Variants in MALRD1 observed in about 807,000 individuals in gnomAD.
MALRD1 encodes MAM and LDL-receptor class A domain-containing protein 1.
MALRD1 carries 247 observed loss-of-function variants against 242.1 expected under a neutral mutation model. That is an observed-to-expected ratio of 1.02 (90% CI 0.92 to 1.13). MALRD1 has a LOEUF of 1.13. Among genes scored for constraint, MALRD1 ranks in the 50% most tolerant of loss-of-function variants. The pLI is 0.00. For missense variants in MALRD1, 2,989 were observed against 2,533.1 expected (o/e 1.18, Z -3.86); for synonymous variants, 995 against 866.6 (o/e 1.15, Z -2.60).
intron 14 of MALRD1, among the ~76,000 whole-genome samples, chr10:19,183,120 T>G (rs890638723): frequency 7.4e-4 from 55 of 74,558 alleles, no homozygotes; most frequent in East Asian, 3.4e-3. Flanking sequence ...TGAGGGTTTT[T>G]TTTTTTTTTT....
chr10:19,494,829 A>T (rs1423763755), intron 30 of MALRD1, among the ~76,000 whole-genome samples: 2 of 152,220 alleles, frequency 1.3e-5, no homozygotes, highest in East Asian at 3.9e-4. Context: ...ACAGGGAGAA[A>T]GCAAGCAACT....
At chr10:19,589,819 G>A (rs192048251) in intron 33 of MALRD1, among the ~76,000 whole-genome samples, 13 of 152,056 alleles carry the variant, frequency 8.5e-5, no homozygotes, top group Non-Finnish European at 1.2e-4. Flanking sequence ...GGGTATATGC[G>A]AATGACACTA....
intron 2 of MALRD1, among the ~76,000 whole-genome samples, chr10:19,071,565 A>C (rs1293386019): frequency 6.6e-6 from 1 of 152,048 alleles, no homozygotes; most frequent in Non-Finnish European, 1.5e-5. Context: ...CTCTTGTGGT[A>C]CCAGCTTATA....
chr10:19,440,961 C>T (rs1396158686), intron 28 of MALRD1, among the ~76,000 whole-genome samples: 1 of 151,920 alleles, frequency 6.6e-6, no homozygotes, highest in Non-Finnish European at 1.5e-5. Flanking sequence ...GTCCCACCAA[C>T]AGTGTAAAAG....
At chr10:19,298,237 C>A (rs139594905) in intron 21 of MALRD1, among the ~76,000 whole-genome samples, 1 of 151,780 alleles carries the variant, frequency 6.6e-6, no homozygotes, top group Non-Finnish European at 1.5e-5. Flanking sequence ...CCCACTAATC[C>A]CTTCCCCACA....
At chr10:19,054,002 G>A (rs1834589356) in intron 1 of MALRD1, among the ~76,000 whole-genome samples, 1 of 151,942 alleles carries the variant, frequency 6.6e-6, no homozygotes, top group South Asian at 2.1e-4. Flanking sequence ...TAATTTGTAG[G>A]TCTAATAACT....
intron 10 of MALRD1, among the ~76,000 whole-genome samples, chr10:19,143,756 A>C (rs1159459617): frequency 6.6e-6 from 1 of 152,210 alleles, no homozygotes; most frequent in African/African-American, 2.4e-5. Flanking sequence ...CAGAGGCCAA[A>C]TATGTACTTT....
chr10:19,534,281 G>A lies in MALRD1; in HGVS notation c.5478+2930G>A, dbSNP rs1296015011. On this transcript the variant is annotated intron_variant, in intron 32 of 39. Transcript: ENST00000454679. ...AAATCTTATTTTCTCAACTATTGCT[G>A]TGGAAAATCTTGAGTTATTCACAGA... is the stretch of plus-strand genomic sequence containing the variant. Among the ~76,000 whole-genome samples the A allele has an allele frequency of 2.0e-5, 3 of 152,194 alleles. No homozygotes were observed. The East Asian group carries it at 5.8e-4, about 29-fold the overall frequency.
chr10:19,392,145 AT>A (rs1846365972), intron 28 of MALRD1, among the ~76,000 whole-genome samples: 1 of 152,196 alleles, frequency 6.6e-6, no homozygotes, highest in Admixed American at 6.5e-5. Context: ...TAAATATGTC[AT>A]TTATAGAACA....
intron 21 of MALRD1, among the ~76,000 whole-genome samples, chr10:19,288,591 G>C (rs1192481975): frequency 1.3e-5 from 2 of 151,824 alleles, no homozygotes; most frequent in South Asian, 4.2e-4. Context: ...TTTGTTCTTT[G>C]TTATTTATTT....
chr10:19,107,332 C>A (rs72788932), intron 5 of MALRD1, among the ~76,000 whole-genome samples: 4 of 151,708 alleles, frequency 2.6e-5, no homozygotes, highest in Non-Finnish European at 5.9e-5. Context: ...TATATATTTA[C>A]AAGTATTTTA....
chr10:19,292,786 G>T (rs920857816), intron 21 of MALRD1, among the ~76,000 whole-genome samples: 1 of 151,428 alleles, frequency 6.6e-6, no homozygotes, highest in African/African-American at 2.4e-5. Context: ...CCAGCTACTC[G>T]GGAGGCTGAG....
intron 18 of MALRD1, among the ~76,000 whole-genome samples, chr10:19,217,532 CTT>C (rs34267262): frequency 0.02 from 2,304 of 116,410 alleles, 40 homozygotes; most frequent in African/African-American, 0.077. Flanking sequence ...ATCATGCAGT[CTT>C]TTTTTTTTTT....
At position 19,574,608 on chromosome 10, in the gene MALRD1, G is replaced by T. The variant is rs555260048; in HGVS notation, c.5680+6905G>T. 3.3e-5 allele frequency among the ~76,000 whole-genome samples: 5 copies of T among 152,294 alleles called. No homozygotes were observed. The South Asian group carries it at 8.3e-4, about 25-fold the overall frequency. On this transcript the variant is annotated intron_variant, in intron 33 of 39. Transcript: ENST00000454679. Reference sequence around the variant, plus strand: ...AGAACCACTGGAATGAAATTTTGGAGAGCTTGGTCTAAACTATGGCTGTAC... The same window carrying T: ...AGAACCACTGGAATGAAATTTTGGATAGCTTGGTCTAAACTATGGCTGTAC...
chr10:19,361,301 T>C (rs893653453), intron 26 of MALRD1, among the ~76,000 whole-genome samples: 1 of 152,050 alleles, frequency 6.6e-6, no homozygotes, highest in Non-Finnish European at 1.5e-5. Flanking sequence ...CTGGCCAGCA[T>C]GTGAATGTGA....
intron 1 of MALRD1, among the ~76,000 whole-genome samples, chr10:19,058,730 A>G (rs1236717035): frequency 6.6e-6 from 1 of 152,106 alleles, no homozygotes; most frequent in Non-Finnish European, 1.5e-5. Context: ...CAACTCAAAC[A>G]CACAAAAAGA....
chr10:19,481,740 A>G (rs989672388), intron 29 of MALRD1, among the ~76,000 whole-genome samples: 4 of 152,224 alleles, frequency 2.6e-5, no homozygotes, highest in South Asian at 2.1e-4. Context: ...ATCCCTTTCT[A>G]TTGAGTGTCT....
intron 26 of MALRD1, among the ~76,000 whole-genome samples, chr10:19,386,281 C>A (rs942047622): frequency 6.6e-6 from 1 of 152,092 alleles, no homozygotes; most frequent in Admixed American, 6.6e-5. Flanking sequence ...CATCCCCTAC[C>A]TCTGACCCAC....
chr10:19,504,617 A>G (rs1447681206), intron 31 of MALRD1, among the ~76,000 whole-genome samples: 1 of 150,768 alleles, frequency 6.6e-6, no homozygotes, highest in Admixed American at 6.6e-5. Flanking sequence ...TCATACACAG[A>G]CACACACACA....
Sources: allele counts gnomAD v4.1 joint callset (sites outside exome capture counted in the v4.1 genomes callset), GRCh38; gene constraint gnomAD v4.1.1; transcripts MANE v1.5; gene names NCBI Gene and HGNC (gene_info 2026-07-23, HGNC 2026-07-21).